The following TANC1 variants were observed in gnomAD, a reference collection of about 807,000 sequenced individuals.
The protein encoded by TANC1 is tetratricopeptide repeat, ankyrin repeat and coiled-coil containing 1.
A neutral mutation model predicts 149.7 loss-of-function variants in TANC1; 77 were observed. That is an observed-to-expected ratio of 0.51 (90% CI 0.43 to 0.62). The LOEUF is 0.62. TANC1 is among the 20% of genes least tolerant of loss of function. TANC1 has a pLI of 0.00. For missense variants in TANC1, 1,985 were observed against 2,321.8 expected (o/e 0.85, Z 2.98); for synonymous variants, 854 against 925.0 (o/e 0.92, Z 1.39).
At chr2:159,131,807 G>A (rs1331818969) in intron 4 of TANC1, among the ~76,000 whole-genome samples, 1 of 152,204 alleles carries the variant, frequency 6.6e-6, no homozygotes, top group Non-Finnish European at 1.5e-5. Context: ...TTGTTTTACA[G>A]CACTTTATGT....
intron 7 of TANC1, among the ~76,000 whole-genome samples, chr2:159,156,269 T>C (rs1179973476): frequency 1.3e-5 from 2 of 152,220 alleles, no homozygotes; most frequent in Non-Finnish European, 2.9e-5. Flanking sequence ...TCATCCTTAA[T>C]TATAGAAGCC....
At chr2:159,070,295 A>G (rs943874161) in intron 3 of TANC1, among the ~76,000 whole-genome samples, 1 of 151,874 alleles carries the variant, frequency 6.6e-6, no homozygotes, top group African/African-American at 2.4e-5. Context: ...TTAGGTTCAC[A>G]GCCAAAATTG....
At chr2:158,973,659 G>T (rs559129263) in intron 1 of TANC1, among the ~76,000 whole-genome samples, 2 of 152,342 alleles carry the variant, frequency 1.3e-5, no homozygotes, top group East Asian at 3.9e-4. Context: ...ATCCCACAAA[G>T]AAGAGGGTTA....
chr2:159,046,205 A>C (rs1285814781), intron 2 of TANC1, among the ~76,000 whole-genome samples: 1 of 152,208 alleles, frequency 6.6e-6, no homozygotes, highest in Non-Finnish European at 1.5e-5. Flanking sequence ...CTTAATAGCA[A>C]AAATCATGTT....
chr2:158,995,054 GTTTGT>G (rs1209606925), intron 1 of TANC1, among the ~76,000 whole-genome samples: 2 of 152,172 alleles, frequency 1.3e-5, no homozygotes, highest in African/African-American at 4.8e-5. Flanking sequence ...TCTTTGCCTT[GTTTGT>G]TTTGAGGGTT....
chr2:159,141,538 G>A (rs2051368026), intron 5 of TANC1, among the ~76,000 whole-genome samples: 1 of 152,204 alleles, frequency 6.6e-6, no homozygotes, highest in South Asian at 2.1e-4. Context: ...AAGGGACACT[G>A]GAGGAGCAGG....
intron 2 of TANC1, among the ~76,000 whole-genome samples, chr2:159,002,062 T>G (rs2149330053): frequency 6.6e-6 from 1 of 152,220 alleles, no homozygotes; most frequent in South Asian, 2.1e-4. Flanking sequence ...GACACCAACT[T>G]GTTCTCAGAA....
At chr2:159,219,560 G>A (rs567991359) in intron 21 of TANC1, 132 bp from the exon 22 acceptor site, 139 of 1,315,798 alleles carry the variant, frequency 1.1e-4, no homozygotes, top group Non-Finnish European at 1.3e-4. Flanking sequence ...CAGCCCATCC[G>A]GCCAGTGTCA....
intron 25 of TANC1, chr2:159,228,412 C>G: frequency 3.8e-6 from 1 of 266,502 alleles, no homozygotes. Context: ...AGATCTGTTT[C>G]AGTAGTACTT....
At chr2:159,148,344 T>C (rs1050846353) in intron 5 of TANC1, 1 of 152,244 alleles carries the variant, frequency 6.6e-6, no homozygotes, top group Admixed American at 6.5e-5. Flanking sequence ...AGGGTTAAAC[T>C]ACAGCTCAAC....
intron 4 of TANC1, among the ~76,000 whole-genome samples, chr2:159,130,314 A>G (rs953497210): frequency 6.6e-6 from 1 of 152,184 alleles, no homozygotes; most frequent in African/African-American, 2.4e-5. Context: ...ACTTGGTTTA[A>G]GTAAAAGGGG....
intron 16 of TANC1, among the ~76,000 whole-genome samples, chr2:159,187,460 T>C (rs1312846354): frequency 6.6e-6 from 1 of 152,266 alleles, no homozygotes; most frequent in African/African-American, 2.4e-5. Flanking sequence ...AGGTTTCATG[T>C]ATCCATATTT....
intron 2 of TANC1, among the ~76,000 whole-genome samples, chr2:159,059,341 T>G (rs1005900791): frequency 7.2e-5 from 11 of 151,780 alleles, no homozygotes; most frequent in Admixed American, 7.2e-4. Flanking sequence ...TCCATCTCTA[T>G]GAAAAAATAA....
At chr2:159,168,299 A>AT (rs35670582) in intron 8 of TANC1, among the ~76,000 whole-genome samples, 97,213 of 130,208 alleles carry the variant, frequency 0.75, 37,956 homozygotes, top group Non-Finnish European at 0.87. Context: ...TAGATCTTTA[A>AT]TTTTTTTTTT....
intron 8 of TANC1, among the ~76,000 whole-genome samples, chr2:159,163,907 ATC>A (rs2150408810): frequency 6.6e-6 from 1 of 152,306 alleles, no homozygotes; most frequent in East Asian, 1.9e-4. Context: ...GTTTGTTAAT[ATC>A]AGCTCGAGGA....
intron 2 of TANC1, among the ~76,000 whole-genome samples, chr2:159,050,425 G>A (rs189341429): frequency 2.6e-5 from 4 of 152,306 alleles, no homozygotes; most frequent in Admixed American, 6.5e-5. Context: ...TCAGAACAGC[G>A]TTGCAGTTTT....
At position 159,232,059 on chromosome 2, in the gene TANC1, G is replaced by C. The variant is rs2060352584; in HGVS notation, c.*1047G>C. 4 of 152,604 alleles carry C rather than the reference G, an allele frequency of 2.6e-5. No homozygotes were observed. The highest frequency in any genetic ancestry group is 2.1e-4 in the South Asian group (1 of 4,828). 9.5% of individuals were successfully genotyped at this position (152,604 alleles called of 1,614,324 possible). On this transcript the variant is annotated 3_prime_UTR_variant, in exon 27 of 27. Coordinates refer to ENST00000263635, the MANE Select transcript of TANC1 (RefSeq NM_033394.3). ...CCCAGTCACGATTTGCATGTTCTCT[G>C]TAAGCTTCATCCATGCTGGTTATTG...
At chr2:159,209,960 A>G (rs74659229) in intron 19 of TANC1, among the ~76,000 whole-genome samples, 13,986 of 152,066 alleles carry the variant, frequency 0.092, 828 homozygotes, top group East Asian at 0.25. Context: ...AATATGGGAG[A>G]GGCCAGGATA....
At chr2:159,041,228 A>T (rs1233509869) in intron 2 of TANC1, among the ~76,000 whole-genome samples, 14 of 152,174 alleles carry the variant, frequency 9.2e-5, no homozygotes, top group Admixed American at 9.2e-4. Flanking sequence ...CAGTAAGGCT[A>T]CATGGGGGTC....
Sources: gnomAD v4.1 joint callset for allele counts (sites outside exome capture counted in the v4.1 genomes callset) on GRCh38, gnomAD v4.1.1 for gene constraint, MANE v1.5 for transcripts, NCBI Gene and HGNC (gene_info 2026-07-23, HGNC 2026-07-21) for gene names.